The following ZNF610 variants were observed in gnomAD, a reference collection of about 807,000 sequenced individuals.
The protein encoded by ZNF610 is zink finger protein.
A neutral mutation model predicts 14.1 loss-of-function variants in ZNF610; 14 were observed. The observed-to-expected ratio is 0.99, with a 90% CI of 0.65 to 1.55. The LOEUF is 1.55. ZNF610 is among the 40% of genes most tolerant of loss of function. The pLI, the probability that ZNF610 is intolerant of heterozygous loss-of-function variation, is 0.00. For missense variants in ZNF610, 530 were observed against 558.0 expected (o/e 0.95, Z 0.51); for synonymous variants, 185 against 187.6 (o/e 0.99, Z 0.11).
upstream of ZNF610, among the ~76,000 whole-genome samples, chr19:52,335,325 A>G (rs1299943445): frequency 6.6e-6 from 1 of 152,194 alleles, no homozygotes; most frequent in African/African-American, 2.4e-5. Context: ...CTCCGGGGAC[A>G]GGACCCATCG....
At chr19:52,334,879 A>C (rs1236146340), upstream of ZNF610, among the ~76,000 whole-genome samples, 1 of 150,406 alleles carries the variant, frequency 6.6e-6, no homozygotes, top group African/African-American at 2.5e-5. Context: ...CAGTGAGCTG[A>C]AACCGTGTCA....
rs777821146 is a variant in ZNF610, at chr19:52,366,079, G to A, written c.701G>A (p.Cys234Tyr). 6.2e-6 allele frequency: 10 copies of A among 1,613,984 alleles called. No homozygotes were observed. The highest frequency in any genetic ancestry group is 5.0e-5 in the Admixed American group (3 of 59,998). Residue 234 changes from cysteine (C) to tyrosine (Y), a missense_variant, in exon 6 of 6, where the codon TGT (cysteine) becomes TAT (tyrosine). Coordinates refer to ENST00000403906, the MANE Select transcript of ZNF610 (RefSeq NM_001161425.2). ...CATACTGCAGAGAAACCTTACAAAT[G>A]TACTGAATGTGGCAAGGTCTTCAGT... is the stretch of plus-strand genomic sequence containing the variant. ...VIHTAEKPYK[C>Y]TECGKVFSRN...
chr19:52,343,527 A>G (rs1458047166), intron 1 of ZNF610, among the ~76,000 whole-genome samples: 1 of 151,468 alleles, frequency 6.6e-6, no homozygotes, highest in Non-Finnish European at 1.5e-5. Flanking sequence ...ATATCATGCT[A>G]TTGCACTTCA....
In ZNF610 at chr19:52,354,351, A is replaced by G; in HGVS notation, c.291A>G (p.Gly97=). ...SQVKIVKNTD[G]RECVRSVNTG... ...TTAAAATAGTAAAAAATACAGATGG[A>G]AGGGAATGTGTCAGAAGCGTGAACA... is the stretch of plus-strand genomic sequence containing the variant. The change falls in exon 5 of 6, where the codon GGA becomes GGG. Residue 97 remains glycine (G), a synonymous_variant. Coordinates refer to ENST00000403906, the MANE Select transcript of ZNF610 (RefSeq NM_001161425.2). 1 of 1,614,144 alleles carries G rather than the reference A, an allele frequency of 6.2e-7. No individual in the cohort carries two copies. Among genetic ancestry groups the G allele is most frequent in the Non-Finnish European group, 8.5e-7 (1 of 1,180,020 alleles).
chr19:52,346,038 A>G (rs1206449878), intron 1 of ZNF610, among the ~76,000 whole-genome samples: 1 of 148,564 alleles, frequency 6.7e-6, no homozygotes, highest in Non-Finnish European at 1.5e-5. Flanking sequence ...TCACTCTGTC[A>G]CCCAGGCTGG....
rs574313333 is a variant in ZNF610 at position 52,343,866 on chromosome 19, C to T, written c.-257-3841C>T. 1.3e-3 allele frequency among the ~76,000 whole-genome samples: 197 copies of T among 152,186 alleles called. 2 individuals carry two copies. Among genetic ancestry groups the T allele is most frequent in the Non-Finnish European group, 1.7e-3 (118 of 68,022 alleles). Reference sequence around the variant, plus strand: ...AGAGGCCCCTGACAGCAGAGTGTGTCGCAGCCTCTGGTCTCACAGTGCCTG... The same window carrying T: ...AGAGGCCCCTGACAGCAGAGTGTGTTGCAGCCTCTGGTCTCACAGTGCCTG... On this transcript the variant is annotated intron_variant, in intron 1 of 5. Transcript: ENST00000403906.
At position 52,336,916 on chromosome 19, in the gene ZNF610, T is replaced by C. The variant is rs185797761; in HGVS notation, c.-258+410T>C. Among the ~76,000 whole-genome samples the C allele has an allele frequency of 5.8e-4, 88 of 152,290 alleles. No homozygotes were observed. The East Asian group carries it at 0.014, about 25-fold the overall frequency. Reference sequence around the variant, plus strand: ...GCTCTTGGCGGAGGTGGGCACCTTATTGTACTCCCCTGCCTATGGATGTGT... The same window carrying C: ...GCTCTTGGCGGAGGTGGGCACCTTACTGTACTCCCCTGCCTATGGATGTGT... On this transcript the variant is annotated intron_variant, in intron 1 of 5. Coordinates refer to ENST00000403906, the MANE Select transcript of ZNF610 (RefSeq NM_001161425.2).
chr19:52,364,763 AG>A (rs1267516657), intron 5 of ZNF610, among the ~76,000 whole-genome samples: 6 of 152,144 alleles, frequency 3.9e-5, no homozygotes, highest in Non-Finnish European at 8.8e-5. Context: ...TTTTTAGCAG[AG>A]ATGAGGTTTC....
upstream of ZNF610, among the ~76,000 whole-genome samples, chr19:52,332,141 G>T (rs1161786565): frequency 6.6e-6 from 1 of 152,230 alleles, no homozygotes; most frequent in Non-Finnish European, 1.5e-5. The surrounding 1 kb of genome is among the most constrained non-coding windows in gnomAD (Gnocchi z 4.1). Context: ...CTTTAAAGAA[G>T]TACTGGGAAT....
upstream of ZNF610, among the ~76,000 whole-genome samples, chr19:52,331,396 G>C (rs1600226142): frequency 6.6e-6 from 1 of 152,168 alleles, no homozygotes; most frequent in South Asian, 2.1e-4. Context: ...AAAAACAAGA[G>C]TCTGAGAATC....
chr19:52,349,134 A>G lies in ZNF610; in HGVS notation c.-19-20A>G, dbSNP rs771684835. On this transcript the variant is annotated intron_variant, in intron 2 of 5. Coordinates refer to ENST00000403906, the MANE Select transcript of ZNF610 (RefSeq NM_001161425.2). ...AATGTGTTGATTCCGAGCAGTAATC[A>G]GTGTATTTTTGACATTTAGGATTGA... 17 of 1,571,402 alleles carry G rather than the reference A, an allele frequency of 1.1e-5. No individual in the cohort carries two copies. The highest frequency in any genetic ancestry group is 1.5e-5 in the Non-Finnish European group (17 of 1,142,378).
chr19:52,354,134 G>T, intron 4 of ZNF610, 117 bp from the exon 5 acceptor site: 1 of 1,409,116 alleles, frequency 7.1e-7, no homozygotes, highest in Non-Finnish European at 9.7e-7. Context: ...CAGTCTGTGG[G>T]TGAACTTGTG....
intron 5 of ZNF610, among the ~76,000 whole-genome samples, chr19:52,359,102 T>G (rs1985663520): frequency 6.6e-6 from 1 of 152,208 alleles, no homozygotes; most frequent in Non-Finnish European, 1.5e-5. Context: ...CTTTCTTTCT[T>G]TCAAGTTTGT....
chr19:52,355,753 C>T (rs1481452132), intron 5 of ZNF610, among the ~76,000 whole-genome samples: 2 of 152,176 alleles, frequency 1.3e-5, no homozygotes, highest in Non-Finnish European at 1.5e-5. Flanking sequence ...TGAGACACTT[C>T]ATTAGGTTCA....
At chr19:52,338,120 A>T (rs1984470255) in intron 1 of ZNF610, among the ~76,000 whole-genome samples, 1 of 152,184 alleles carries the variant, frequency 6.6e-6, no homozygotes, top group Admixed American at 6.5e-5. Flanking sequence ...TTAGCCTCAG[A>T]TTCTACAGGT....
In ZNF610 at chr19:52,367,113, G is replaced by T. The variant is rs1036732315; in HGVS notation, c.*346G>T. The stretch of plus-strand genomic sequence containing the variant: ...CATGTTTTAAGTAATAAAGTTTAAA[G>T]TTTTTTTTTAGTTTTTTCTTTTTTT... On this transcript the variant is annotated 3_prime_UTR_variant, in exon 6 of 6. Transcript: ENST00000403906. 49 of 186,072 alleles carry T rather than the reference G, an allele frequency of 2.6e-4. No homozygotes were observed. The highest frequency in any genetic ancestry group is 1.3e-3 in the South Asian group (7 of 5,460). 11.5% of individuals were successfully genotyped at this position (186,072 alleles called of 1,614,324 possible). A position where few individuals can be genotyped will look rare whatever the true frequency, so the allele number is the denominator to read the frequency against.
At chr19:52,335,153 A>AAATT (rs1984318289), upstream of ZNF610, among the ~76,000 whole-genome samples, 1 of 151,532 alleles carries the variant, frequency 6.6e-6, no homozygotes, top group Admixed American at 6.6e-5. Context: ...AAAATACAAA[A>AAATT]AATTAGGCGG....
Position 52,366,396 on chromosome 19 carries a change from G to A in ZNF610, c.1018G>A (p.Ala340Thr). The change falls in exon 6 of 6, where the codon GCG becomes ACG. Residue 340 changes from alanine to threonine, a missense_variant. By Grantham distance (58) the Ala-to-Thr change is moderately conservative. Transcript: ENST00000403906. ...AACCAATCATCAGAGAAGTCACACG[G>A]CGGAAAAACCTTACAAATGTAATGA... ...SLTNHQRSHT[A>T]EKPYKCNECG... is the part of the protein sequence containing the mutation. The A allele has an allele frequency of 6.2e-7, 1 of 1,613,996 alleles. No homozygotes were observed. Among genetic ancestry groups the A allele is most frequent in the East Asian group, 2.2e-5 (1 of 44,832 alleles).
In ZNF610 at chr19:52,366,625, C is replaced by G. The variant is rs755374807; in HGVS notation, c.1247C>G (p.Thr416Ser). ...DKVFGRKLYL[T>S]NHQRIHTGER... ...GTCTTTGGGCGCAAATTATACCTAA[C>G]CAACCATCAGAGAATTCATACTGGA... The change falls in exon 6 of 6, where the codon ACC (threonine) becomes AGC (serine). Residue 416 changes from threonine (T) to serine (S), a missense_variant. Thr to Ser is a moderately conservative substitution (Grantham distance 58, BLOSUM62 1). Transcript: ENST00000403906. 5 of 1,614,196 alleles carry G rather than the reference C, an allele frequency of 3.1e-6. No homozygotes were observed. The highest frequency in any genetic ancestry group is 3.4e-6 in the Non-Finnish European group (4 of 1,180,044).
Sources: allele counts gnomAD v4.1 joint callset (sites outside exome capture counted in the v4.1 genomes callset), GRCh38; gene constraint gnomAD v4.1.1; non-coding constraint Gnocchi (gnomAD v3.1); transcripts MANE v1.5; gene names NCBI Gene and HGNC (gene_info 2026-07-23, HGNC 2026-07-21).